Variants in IRF2 observed in about 807,000 individuals in gnomAD.
The protein encoded by IRF2 is interferon regulatory factor 2.
Under a neutral mutation model 40.6 loss-of-function variants are expected in IRF2, and 15 were observed. The ratio of observed to expected loss-of-function variants is 0.37; its 90% CI spans 0.25 to 0.57. The LOEUF (loss-of-function observed/expected upper bound fraction) is 0.57. Ranked by LOEUF, IRF2 falls within the 20% of genes least tolerant of loss-of-function variation. The pLI is 0.77. For synonymous variants in IRF2, 151 were observed against 165.5 expected (o/e 0.91, Z 0.67); for missense variants, 317 against 455.7 (o/e 0.70, Z 2.77).
intron 1 of IRF2, among the ~76,000 whole-genome samples, chr4:184,465,051 C>T (rs1410149274): frequency 6.6e-6 from 1 of 152,218 alleles, no homozygotes; most frequent in Non-Finnish European, 1.5e-5. Flanking sequence ...GAACTCTTTT[C>T]TCCTACCCAG....
At chr4:184,468,714 C>T (rs1294801715) in intron 1 of IRF2, among the ~76,000 whole-genome samples, 1 of 152,098 alleles carries the variant, frequency 6.6e-6, no homozygotes, top group Non-Finnish European at 1.5e-5. Flanking sequence ...TCTACTCTGG[C>T]CACACACCTG....
chr4:184,466,587 G>T (rs1739339066), intron 1 of IRF2, among the ~76,000 whole-genome samples: 1 of 152,178 alleles, frequency 6.6e-6, no homozygotes, highest in African/African-American at 2.4e-5. Context: ...GGGGGAGAAG[G>T]CCTAAGAGAG....
intron 1 of IRF2, among the ~76,000 whole-genome samples, chr4:184,467,436 T>C (rs549037454): frequency 6.8e-4 from 104 of 152,312 alleles, no homozygotes; most frequent in Admixed American, 1.2e-3. Flanking sequence ...CCATCATATC[T>C]AGGTGTTAAG....
intron 1 of IRF2, among the ~76,000 whole-genome samples, chr4:184,472,793 C>T (rs554046953): frequency 3.3e-5 from 5 of 152,200 alleles, no homozygotes; most frequent in African/African-American, 4.8e-5. Flanking sequence ...ACATCCGCAG[C>T]CGAGCGCCAA....
At chr4:184,456,296 G>C (rs770632896) in intron 1 of IRF2, among the ~76,000 whole-genome samples, 3 of 152,206 alleles carry the variant, frequency 2.0e-5, no homozygotes, top group African/African-American at 4.8e-5. Context: ...ACTCTGGAAG[G>C]CTTCCTAGAA....
intron 2 of IRF2, among the ~76,000 whole-genome samples, chr4:184,420,375 C>T (rs1737440173): frequency 1.3e-5 from 2 of 152,200 alleles, no homozygotes; most frequent in Admixed American, 1.3e-4. Context: ...AACCAAATAT[C>T]TCCATTTGCT....
chr4:184,410,762 GC>G (rs2149897425), intron 5 of IRF2, among the ~76,000 whole-genome samples: 2 of 152,256 alleles, frequency 1.3e-5, no homozygotes, highest in African/African-American at 4.8e-5. Context: ...TATTTAAAAA[GC>G]TAAATTAATT....
chr4:184,398,343 T>C (rs1334107789), intron 7 of IRF2, among the ~76,000 whole-genome samples: 1 of 152,166 alleles, frequency 6.6e-6, no homozygotes, highest in African/African-American at 2.4e-5. Context: ...AAAGAAATCT[T>C]ATCTGTAACC....
intron 5 of IRF2, among the ~76,000 whole-genome samples, chr4:184,411,285 CT>C (rs1358957389): frequency 6.6e-6 from 1 of 152,150 alleles, no homozygotes; most frequent in African/African-American, 2.4e-5. Context: ...TCTCGAACCC[CT>C]GACCTCAGGT....
intron 1 of IRF2, chr4:184,432,148 C>G (rs968743233): frequency 5.9e-5 from 9 of 152,228 alleles, no homozygotes; most frequent in Non-Finnish European, 2.9e-5. Context: ...CACATTCGAT[C>G]CACACTGTTC....
At chr4:184,396,430 T>A (rs895042941) in intron 7 of IRF2, among the ~76,000 whole-genome samples, 9 of 150,620 alleles carry the variant, frequency 6.0e-5, no homozygotes, top group African/African-American at 1.2e-4. Context: ...ATATATATTT[T>A]TTTTTCTTTT....
At chr4:184,414,245 C>T (rs1291112923) in intron 5 of IRF2, among the ~76,000 whole-genome samples, 1 of 152,256 alleles carries the variant, frequency 6.6e-6, no homozygotes, top group Non-Finnish European at 1.5e-5. Flanking sequence ...CTGTTCTTGG[C>T]CTTGTCTGAA....
intron 8 of IRF2, among the ~76,000 whole-genome samples, chr4:184,389,347 A>C (rs551959094): frequency 2.0e-5 from 3 of 152,276 alleles, no homozygotes; most frequent in African/African-American, 7.2e-5. Flanking sequence ...GAGCGCAGTA[A>C]GTCAAGGCCT....
chr4:184,437,476 G>A (rs926461500), intron 1 of IRF2, among the ~76,000 whole-genome samples: 2 of 152,292 alleles, frequency 1.3e-5, no homozygotes, highest in Non-Finnish European at 2.9e-5. Flanking sequence ...TAAGGTTAGA[G>A]GCATAAGTCA....
intron 1 of IRF2, among the ~76,000 whole-genome samples, chr4:184,437,275 C>G (rs1361565846): frequency 6.6e-6 from 1 of 152,190 alleles, no homozygotes; most frequent in African/African-American, 2.4e-5. Context: ...TCAGGCTGGT[C>G]TTGAACTCTT....
intron 1 of IRF2, among the ~76,000 whole-genome samples, chr4:184,445,459 G>A (rs529341625): frequency 2.6e-5 from 4 of 152,146 alleles, no homozygotes; most frequent in Admixed American, 6.5e-5. Flanking sequence ...ATCAACACCA[G>A]CCTGGTCAAC....
intron 1 of IRF2, among the ~76,000 whole-genome samples, chr4:184,437,383 CAG>C (rs951517531): frequency 5.3e-5 from 8 of 152,048 alleles, no homozygotes; most frequent in African/African-American, 1.9e-4. Context: ...TTTGTAGAAA[CAG>C]GGGTTTCACT....
intron 1 of IRF2, among the ~76,000 whole-genome samples, chr4:184,444,743 A>G (rs1466235145): frequency 6.6e-6 from 1 of 152,242 alleles, no homozygotes; most frequent in Non-Finnish European, 1.5e-5. Flanking sequence ...GGGATGTTAC[A>G]TTCCATCATG....
chr4:184,473,563 C>G (rs1739605886), intron 1 of IRF2, among the ~76,000 whole-genome samples: 1 of 147,742 alleles, frequency 6.8e-6, no homozygotes, highest in Non-Finnish European at 1.5e-5. Context: ...ACGCGGCGTC[C>G]CTTCTGAGCG....
Sources: allele counts gnomAD v4.1 joint callset (sites outside exome capture counted in the v4.1 genomes callset), GRCh38; gene constraint gnomAD v4.1.1; transcripts MANE v1.5; gene names NCBI Gene and HGNC (gene_info 2026-07-23, HGNC 2026-07-21).